The following AHR variants were observed in gnomAD, a reference collection of about 807,000 sequenced individuals.
AHR encodes the protein aryl hydrocarbon receptor.
In AHR, 40 loss-of-function variants were observed where a neutral mutation model predicts 86.8. That is an observed-to-expected ratio of 0.46 (90% confidence interval 0.36 to 0.60). The LOEUF (loss-of-function observed/expected upper bound fraction) is 0.60. Ranked by LOEUF, AHR falls within the 20% of genes least tolerant of loss-of-function variation. The pLI, the probability that AHR is intolerant of heterozygous loss-of-function variation, is 0.00. For synonymous variants in AHR, 398 were observed against 354.9 expected, an observed-to-expected ratio of 1.12 and a Z score of -1.37; for missense variants, 1,001 against 1,011.6, an observed-to-expected ratio of 0.99 and a Z score of 0.14.
intron 4 of AHR, among the ~76,000 whole-genome samples, chr7:17,328,323 C>T (rs1263109611): frequency 6.6e-6 from 1 of 151,606 alleles, no homozygotes; most frequent in Admixed American, 6.6e-5. Context: ...GGTGGGTGGT[C>T]AAGAAAACAT....
chr7:17,307,360 T>C (rs530778255), intron 1 of AHR, among the ~76,000 whole-genome samples: 23 of 152,282 alleles, frequency 1.5e-4, no homozygotes, highest in Middle Eastern at 6.8e-3. Context: ...ATCATTATAT[T>C]AGACATTTGT....
At chr7:17,337,511 G>T (rs1261487904) in intron 9 of AHR, among the ~76,000 whole-genome samples, 2 of 135,382 alleles carry the variant, frequency 1.5e-5, no homozygotes, top group African/African-American at 2.8e-5. Context: ...GTCTCGCTCT[G>T]TCGCCCAGGC....
intron 10 of AHR, among the ~76,000 whole-genome samples, chr7:17,342,236 C>T (rs1782434121): frequency 1.3e-5 from 2 of 152,102 alleles, no homozygotes; most frequent in Admixed American, 6.5e-5. Flanking sequence ...TATACATCTT[C>T]ATGTCCTTCC....
chr7:17,319,479 C>T (rs193114191), intron 2 of AHR, among the ~76,000 whole-genome samples: 1 of 152,172 alleles, frequency 6.6e-6, no homozygotes, highest in Admixed American at 6.6e-5. Context: ...TTCTCAATCT[C>T]CTTAAGTCTC....
chr7:17,327,686 T>A, intron 3 of AHR, 73 bp from the exon 4 acceptor site: 1 of 791,170 alleles, frequency 1.3e-6, no homozygotes, highest in Middle Eastern at 2.7e-4. Context: ...TTTTCAGAGA[T>A]AAAAGTAATA....
At chr7:17,312,794 G>A (rs1782079536) in intron 2 of AHR, among the ~76,000 whole-genome samples, 1 of 152,088 alleles carries the variant, frequency 6.6e-6, no homozygotes. Context: ...TTTTCAAACT[G>A]CATTGTGCAT....
chr7:17,304,280 T>C (rs997272947), intron 1 of AHR, among the ~76,000 whole-genome samples: 1 of 152,146 alleles, frequency 6.6e-6, no homozygotes, highest in Non-Finnish European at 1.5e-5. Context: ...CCTTCCTGCA[T>C]CCTCCCAATA....
chr7:17,329,149 C>T (rs192590393), intron 4 of AHR, among the ~76,000 whole-genome samples: 3 of 151,846 alleles, frequency 2.0e-5, no homozygotes, highest in East Asian at 3.9e-4. Flanking sequence ...ATTAAGACAC[C>T]ATTTTTAAAA....
At chr7:17,318,603 A>T (rs572891330) in intron 2 of AHR, among the ~76,000 whole-genome samples, 64 of 152,242 alleles carry the variant, frequency 4.2e-4, no homozygotes, top group African/African-American at 1.5e-3. Flanking sequence ...AGATTTTAAC[A>T]AATGCCCATT....
intron 9 of AHR, among the ~76,000 whole-genome samples, chr7:17,337,996 G>C (rs920689647): frequency 6.6e-6 from 1 of 150,516 alleles, no homozygotes; most frequent in African/African-American, 2.4e-5. Flanking sequence ...TCAGGAGATC[G>C]AGACCATCCT....
rs1196761081 is a variant in AHR, at chr7:17,322,538, C to A, written c.291C>A (p.Gly97=). 1 of 1,612,578 alleles carries A rather than the reference C, an allele frequency of 6.2e-7. No individual in the cohort carries two copies. The change falls in exon 3 of 11, where the codon GGC becomes GGA. Residue 97 remains glycine (G), a synonymous_variant. Coordinates refer to ENST00000242057, the MANE Select transcript of AHR (RefSeq NM_001621.5). ...CCTCCCCTACTGAAAGAAACGGAGG[C>A]CAGGATAACTGTAGAGCAGCAAATT... ...LKSSPTERNG[G]QDNCRAANFR...
At position 17,344,521 on chromosome 7, in the gene AHR, G is replaced by T. The variant is rs899215664; in HGVS notation, c.*1457G>T. ...TAGTTCGTTTACCTTCAAACTTTAG[G>T]TTTTTTTAATGATATACTGATCTTC... On this transcript the variant is annotated 3_prime_UTR_variant, in exon 11 of 11. Coordinates refer to ENST00000242057, the MANE Select transcript of AHR (RefSeq NM_001621.5). 4 of 149,844 alleles carry T rather than the reference G, an allele frequency of 2.7e-5. 1 individual carries two copies. The South Asian group carries it at 6.4e-4, about 24-fold the overall frequency. The allele number at this position is 149,844 out of a possible 1,614,324, so 9.3% of individuals were successfully genotyped here.
At position 17,312,821 on chromosome 7, in the gene AHR, G is replaced by A. The variant is rs1429025824; in HGVS notation, c.253+2698G>A. Among the ~76,000 whole-genome samples, 3 of 152,138 alleles carry A rather than the reference G, an allele frequency of 2.0e-5. No homozygotes were observed. In the East Asian group the frequency reaches 5.8e-4, roughly 29 times the overall value. Reference sequence around the variant, plus strand: ...ATTGTGCATAAGAATTACCTAGAAAGCTTTTTAAAATGCAAATTTGGAGGC... The same window carrying A: ...ATTGTGCATAAGAATTACCTAGAAAACTTTTTAAAATGCAAATTTGGAGGC... On this transcript the variant is annotated intron_variant, in intron 2 of 10. Coordinates refer to ENST00000242057, the MANE Select transcript of AHR (RefSeq NM_001621.5).
chr7:17,299,492 G>T, intron 1 of AHR, 163 bp downstream of exon 1: 1 of 759,396 alleles, frequency 1.3e-6, no homozygotes, highest in South Asian at 1.9e-5. Context: ...GGAGACAGAG[G>T]ACTTGGATTC....
intron 2 of AHR, among the ~76,000 whole-genome samples, chr7:17,312,650 CTT>C (rs971277833): frequency 6.6e-6 from 1 of 152,144 alleles, no homozygotes; most frequent in Admixed American, 6.5e-5. Context: ...TTGTTAAAAA[CTT>C]TTTTCTCAGC....
At position 17,343,659 on chromosome 7, in the gene AHR, A is replaced by G. The variant is rs1425740136; in HGVS notation, c.*595A>G. 2 of 152,518 alleles carry G rather than the reference A, an allele frequency of 1.3e-5. No homozygotes were observed. The highest frequency in any genetic ancestry group is 2.4e-5 in the African/African-American group (1 of 41,442). 9.4% of individuals were successfully genotyped at this position (152,518 alleles called of 1,614,324 possible). ...ACACTCTAGGATGTATATTTTATAT[A>G]AAGTATTCTTTTTCTTTTTTAAATT... On this transcript the variant is annotated 3_prime_UTR_variant, in exon 11 of 11. Coordinates refer to ENST00000242057, the MANE Select transcript of AHR (RefSeq NM_001621.5).
intron 9 of AHR, among the ~76,000 whole-genome samples, chr7:17,336,978 T>C (rs1327459760): frequency 2.0e-5 from 3 of 152,172 alleles, no homozygotes; most frequent in Non-Finnish European, 4.4e-5. Flanking sequence ...TTAAAAAATA[T>C]ATACTTAAAC....
intron 2 of AHR, among the ~76,000 whole-genome samples, chr7:17,319,737 G>A (rs1186410507): frequency 6.6e-6 from 1 of 152,050 alleles, no homozygotes; most frequent in Non-Finnish European, 1.5e-5. Flanking sequence ...TATTGATAGA[G>A]CCTCTAGTAA....
chr7:17,338,515 C>G (rs1266843500), intron 9 of AHR, among the ~76,000 whole-genome samples: 3 of 151,908 alleles, frequency 2.0e-5, no homozygotes, highest in Non-Finnish European at 4.4e-5. Flanking sequence ...GCCACCATGC[C>G]CAGCTAGTTT....
Sources: gnomAD v4.1 joint callset for allele counts (sites outside exome capture counted in the v4.1 genomes callset) on GRCh38, gnomAD v4.1.1 for gene constraint, MANE v1.5 for transcripts, NCBI Gene and HGNC (gene_info 2026-07-23, HGNC 2026-07-21) for gene names.